The following LRRC4C variants were observed in gnomAD, a reference collection of about 807,000 sequenced individuals.
LRRC4C encodes the protein leucine rich repeat containing 4C.
In LRRC4C, 5 loss-of-function variants were observed where a neutral mutation model predicts 33.6. The observed-to-expected ratio is 0.15, with a 90% CI of 0.08 to 0.31. The LOEUF (loss-of-function observed/expected upper bound fraction) is 0.31. Among genes scored for constraint, LRRC4C ranks in the 10% least tolerant of loss-of-function variants. The pLI, the probability that LRRC4C is intolerant of heterozygous loss-of-function variation, is 1.00. For missense variants in LRRC4C, 560 were observed against 796.7 expected (o/e 0.70, Z 3.58); for synonymous variants, 329 against 302.0 (o/e 1.09, Z -0.93).
At chr11:40,479,979 A>G (rs1953461953) in intron 3 of LRRC4C, among the ~76,000 whole-genome samples, 1 of 152,204 alleles carries the variant, frequency 6.6e-6, no homozygotes, top group African/African-American at 2.4e-5. Flanking sequence ...TCTGAATACA[A>G]ACAAGTTGTT....
intron 1 of LRRC4C, among the ~76,000 whole-genome samples, chr11:41,333,352 A>G (rs938947607): frequency 1.3e-5 from 2 of 152,166 alleles, no homozygotes; most frequent in Non-Finnish European, 2.9e-5. Context: ...AATGAACTAG[A>G]ATATCAGTGA....
intron 4 of LRRC4C, among the ~76,000 whole-genome samples, chr11:40,311,410 G>A (rs950477129): frequency 2.6e-5 from 4 of 152,118 alleles, no homozygotes; most frequent in East Asian, 1.9e-4. Context: ...TTCAGTAAAC[G>A]TGTACTTAAT....
At chr11:40,763,591 C>A (rs966704897) in intron 2 of LRRC4C, among the ~76,000 whole-genome samples, 5 of 152,096 alleles carry the variant, frequency 3.3e-5, no homozygotes, top group Non-Finnish European at 7.4e-5. Context: ...ATTGTCAACA[C>A]CACCCCTTCC....
intron 5 of LRRC4C, among the ~76,000 whole-genome samples, chr11:40,175,025 G>T (rs72889315): frequency 2.0e-5 from 3 of 152,286 alleles, no homozygotes; most frequent in Non-Finnish European, 4.4e-5. Context: ...TGATGATCTA[G>T]AATATAGTTA....
In LRRC4C at chr11:41,039,318, T is replaced by G. The variant is rs191088777; in HGVS notation, c.-495-105595A>C. ...CATATTATTATGTGTTTTCCCCACA[T>G]AAATATCTGCATGACCTTTTTTGTG... On this transcript the variant is annotated intron_variant, in intron 1 of 6. Transcript: ENST00000528697. Among the ~76,000 whole-genome samples the G allele has an allele frequency of 5.1e-3, 783 of 152,336 alleles. 3 individuals carry two copies. Among genetic ancestry groups the G allele is most frequent in the Non-Finnish European group, 6.8e-3 (462 of 68,034 alleles).
At chr11:40,223,822 CT>C (rs1458474357) in intron 5 of LRRC4C, among the ~76,000 whole-genome samples, 1 of 152,212 alleles carries the variant, frequency 6.6e-6, no homozygotes, top group Non-Finnish European at 1.5e-5. Flanking sequence ...TTCATGTATA[CT>C]TTTGCAGAAC....
At chr11:40,522,848 G>T (rs1235211145) in intron 3 of LRRC4C, among the ~76,000 whole-genome samples, 1 of 152,110 alleles carries the variant, frequency 6.6e-6, no homozygotes, top group Admixed American at 6.5e-5. Flanking sequence ...ATGTCTTCAA[G>T]TTCCATCATG....
intron 3 of LRRC4C, among the ~76,000 whole-genome samples, chr11:40,499,074 A>T (rs1317814079): frequency 2.0e-5 from 3 of 152,214 alleles, no homozygotes; most frequent in Non-Finnish European, 4.4e-5. Flanking sequence ...AAAGGAGTTA[A>T]CAAGTACCAG....
At chr11:40,691,483 T>C (rs1282518781) in intron 2 of LRRC4C, among the ~76,000 whole-genome samples, 2 of 152,134 alleles carry the variant, frequency 1.3e-5, no homozygotes, top group African/African-American at 4.8e-5. Context: ...CCTTCAGGCA[T>C]TCATGAAACT....
At chr11:40,874,800 G>T (rs897357872) in intron 2 of LRRC4C, among the ~76,000 whole-genome samples, 2 of 152,162 alleles carry the variant, frequency 1.3e-5, no homozygotes, top group African/African-American at 2.4e-5. Context: ...ACATAGTATA[G>T]TACCACGTCT....
chr11:40,311,943 CAAAAAAA>C (rs368014390), intron 4 of LRRC4C, among the ~76,000 whole-genome samples: 1 of 61,992 alleles, frequency 1.6e-5, no homozygotes, highest in Admixed American at 1.7e-4. Flanking sequence ...GACTCTGTCT[CAAAAAAA>C]AAAAAAAAAA....
chr11:41,035,894 AT>A (rs1857033627), intron 1 of LRRC4C, among the ~76,000 whole-genome samples: 1 of 152,132 alleles, frequency 6.6e-6, no homozygotes, highest in South Asian at 2.1e-4. Context: ...GAAAGACAAA[AT>A]ATTTACCAGT....
At position 40,422,359 on chromosome 11, in the gene LRRC4C, T is replaced by C. The variant is rs538582496; in HGVS notation, c.-269-102638A>G. ...GGGAGATGAATCTACCACAGCTGCATTATTTGAATATTTCTTAAAAAGTGG... is the reference window on the plus strand; with the variant it reads ...GGGAGATGAATCTACCACAGCTGCACTATTTGAATATTTCTTAAAAAGTGG... On this transcript the variant is annotated intron_variant, in intron 3 of 6. Transcript: ENST00000528697. Among the ~76,000 whole-genome samples, 100 of 152,292 alleles carry C rather than the reference T, an allele frequency of 6.6e-4. 1 individual carries two copies. Among genetic ancestry groups the C allele is most frequent in the Admixed American group, 3.5e-3 (54 of 15,298 alleles).
chr11:40,904,061 C>T (rs1055198112), intron 2 of LRRC4C, among the ~76,000 whole-genome samples: 2 of 152,090 alleles, frequency 1.3e-5, no homozygotes, highest in Non-Finnish European at 2.9e-5. Flanking sequence ...TGAATTGCTG[C>T]AATGTCAGAA....
At chr11:40,527,756 AT>A (rs74970166) in intron 3 of LRRC4C, among the ~76,000 whole-genome samples, 15 of 148,560 alleles carry the variant, frequency 1.0e-4, no homozygotes, top group East Asian at 5.9e-4. Flanking sequence ...TTAGAAGATA[AT>A]TTTTTTTTTT....
At chr11:40,414,676 A>G (rs1950262488) in intron 3 of LRRC4C, among the ~76,000 whole-genome samples, 1 of 152,150 alleles carries the variant, frequency 6.6e-6, no homozygotes, top group African/African-American at 2.4e-5. Context: ...ACCTATAAAA[A>G]TAGAAGAAAC....
chr11:41,148,152 A>T (rs1943815868), intron 1 of LRRC4C, among the ~76,000 whole-genome samples: 1 of 152,034 alleles, frequency 6.6e-6, no homozygotes, highest in South Asian at 2.1e-4. Context: ...AGTAGTTGGG[A>T]CTACAGGTGC....
chr11:41,273,870 A>C (rs1249705744), intron 1 of LRRC4C, among the ~76,000 whole-genome samples: 2 of 152,182 alleles, frequency 1.3e-5, no homozygotes, highest in Non-Finnish European at 2.9e-5. Context: ...TATATACATT[A>C]AATATGTGCA....
chr11:41,073,764 A>G (rs79522618), intron 1 of LRRC4C, among the ~76,000 whole-genome samples: 1 of 152,242 alleles, frequency 6.6e-6, no homozygotes, highest in Non-Finnish European at 1.5e-5. Flanking sequence ...ATCTTTAAGT[A>G]AAAAACAAAT....
Sources: allele counts gnomAD v4.1 joint callset (sites outside exome capture counted in the v4.1 genomes callset), GRCh38; gene constraint gnomAD v4.1.1; transcripts MANE v1.5; gene names NCBI Gene and HGNC (gene_info 2026-07-23, HGNC 2026-07-21).